The following CEP63 variants were observed in gnomAD, a reference collection of about 807,000 sequenced individuals.
The protein encoded by CEP63 is centrosomal protein 63, also known as centrosomal protein of 63 kDa.
CEP63 carries 84 observed loss-of-function variants against 89.1 expected under a neutral mutation model. The ratio of observed to expected loss-of-function variants is 0.94; its 90% CI spans 0.79 to 1.13. CEP63 has a LOEUF of 1.13. CEP63 is among the 50% of genes most tolerant of loss of function. CEP63 has a pLI of 0.00. For synonymous variants in CEP63, 267 were observed against 272.5 expected (o/e 0.98, Z 0.20); for missense variants, 838 against 813.3 (o/e 1.03, Z -0.37).
intron 14 of CEP63, among the ~76,000 whole-genome samples, chr3:134,560,217 G>A (rs1387091187): frequency 6.6e-6 from 1 of 152,190 alleles, no homozygotes. Flanking sequence ...CACTTAGTGT[G>A]AGTATCCATG....
At chr3:134,653,396 A>G in the CEP63 span, among the ~76,000 whole-genome samples, 1 of 152,182 alleles carries the variant, frequency 6.6e-6, no homozygotes, top group Non-Finnish European at 1.5e-5. Context: ...GCTCTGGGAG[A>G]TGCTGCTGCC....
intron 3 of CEP63, among the ~76,000 whole-genome samples, chr3:134,517,352 A>G (rs937568513): frequency 2.0e-5 from 3 of 152,216 alleles, no homozygotes; most frequent in African/African-American, 7.2e-5. Flanking sequence ...TGACAGAACT[A>G]GGAAAAAACA....
the CEP63 span, chr3:134,651,231 G>A: frequency 2.4e-6 from 3 of 1,260,848 alleles, no homozygotes; most frequent in African/African-American, 1.5e-5. Flanking sequence ...CTGCACCGGG[G>A]CCATAGTCAG....
chr3:134,610,386 G>C, the CEP63 span: 1 of 1,609,722 alleles, frequency 6.2e-7, no homozygotes, highest in Non-Finnish European at 8.5e-7. Context: ...CGGCGAGCCT[G>C]GGGGCAGGAC....
chr3:134,588,091 G>A (rs964022336), downstream of CEP63, among the ~76,000 whole-genome samples: 1 of 152,034 alleles, frequency 6.6e-6, no homozygotes, highest in African/African-American at 2.4e-5. Context: ...CCAGGAGTTC[G>A]AGACCAGCCT....
At chr3:134,490,144 A>G (rs2107858681) in intron 1 of CEP63, among the ~76,000 whole-genome samples, 1 of 152,276 alleles carries the variant, frequency 6.6e-6, no homozygotes, top group East Asian at 1.9e-4. Context: ...CGTTAGTTCT[A>G]GGATTTATGG....
intron 11 of CEP63, among the ~76,000 whole-genome samples, 170 bp from the exon 12 acceptor site, chr3:134,551,750 TATATAC>T (rs10564989): frequency 1.1e-3 from 14 of 13,146 alleles, no homozygotes; most frequent in African/African-American, 1.4e-3. Context: ...TATATATATA[TATATAC>T]ACACACACAC....
the CEP63 span, among the ~76,000 whole-genome samples, chr3:134,668,971 G>A: frequency 1.3e-5 from 2 of 152,000 alleles, no homozygotes; most frequent in African/African-American, 2.4e-5. Flanking sequence ...GCTGACTGGT[G>A]CGGTCTAAGG....
At chr3:134,719,121 A>G in the CEP63 span, among the ~76,000 whole-genome samples, 1 of 152,104 alleles carries the variant, frequency 6.6e-6, no homozygotes, top group African/African-American at 2.4e-5. Flanking sequence ...GGTGTGGTAC[A>G]AGGACTTGTT....
chr3:134,565,264 A>G (rs1957703581), downstream of CEP63, among the ~76,000 whole-genome samples: 1 of 152,168 alleles, frequency 6.6e-6, no homozygotes, highest in Non-Finnish European at 1.5e-5. Context: ...GCTGGACATT[A>G]CCTTCCCTTG....
chr3:134,712,544 A>T, the CEP63 span, among the ~76,000 whole-genome samples: 121,561 of 151,748 alleles, frequency 0.8, 50,248 homozygotes, highest in East Asian at 0.98. Flanking sequence ...TTATTTGCAT[A>T]TGAAACATTT....
the CEP63 span, among the ~76,000 whole-genome samples, chr3:134,595,435 C>T: frequency 4.6e-5 from 7 of 152,192 alleles, no homozygotes; most frequent in Non-Finnish European, 7.3e-5. Context: ...AGTGTGAGAA[C>T]GGACTAAACA....
chr3:134,561,237 T>C (rs1957286268), intron 14 of CEP63, 140 bp from the exon 15 acceptor site: 3 of 840,726 alleles, frequency 3.6e-6, no homozygotes, highest in Middle Eastern at 3.2e-4. Context: ...CTCTTGTCAT[T>C]AGGATGAAAA....
Position 134,564,233 on chromosome 3 carries a change from G to T in CEP63, c.*2698G>T. 1.0e-6 allele frequency: 1 copy of T among 985,334 alleles called. No individual in the cohort carries two copies. Among genetic ancestry groups the T allele is most frequent in the African/African-American group, 1.7e-5 (1 of 57,362 alleles). 61.0% of individuals were successfully genotyped at this position (985,334 alleles called of 1,614,324 possible). On this transcript the variant is annotated 3_prime_UTR_variant, in exon 15 of 15. Transcript: ENST00000675561. ...CCAACACTTAGGAGAGGCTCAGCTA[G>T]TTTGAACCAATGGAAAATGCCATTC...
chr3:134,722,918 A>G, the CEP63 span, among the ~76,000 whole-genome samples: 3 of 152,228 alleles, frequency 2.0e-5, no homozygotes, highest in Non-Finnish European at 4.4e-5. Context: ...AGTGGAGCAG[A>G]GCAAAAGCTG....
At chr3:134,766,716 C>T in the CEP63 span, among the ~76,000 whole-genome samples, 1 of 152,316 alleles carries the variant, frequency 6.6e-6, no homozygotes, top group East Asian at 1.9e-4. Flanking sequence ...AGACAAATCA[C>T]ATGTAAGCGG....
chr3:134,649,770 GC>G, the CEP63 span, among the ~76,000 whole-genome samples: 2 of 152,222 alleles, frequency 1.3e-5, no homozygotes, highest in Non-Finnish European at 2.9e-5. Context: ...TAGTGGCAAG[GC>G]CATCCACAGC....
the CEP63 span, chr3:134,629,580 C>A: frequency 2.0e-6 from 3 of 1,509,558 alleles, no homozygotes; most frequent in Non-Finnish European, 1.8e-6. Context: ...CTTCAATCCT[C>A]TCTGCCAGCC....
the CEP63 span, chr3:134,619,148 C>T: frequency 1.2e-6 from 2 of 1,612,612 alleles, no homozygotes; most frequent in Non-Finnish European, 8.5e-7. Flanking sequence ...TCTCTCGTAC[C>T]TGCACATTCT....
Sources: allele counts gnomAD v4.1 joint callset (sites outside exome capture counted in the v4.1 genomes callset), GRCh38; gene constraint gnomAD v4.1.1; transcripts MANE v1.5; gene names NCBI Gene and HGNC (gene_info 2026-07-23, HGNC 2026-07-21).